The following GLB1L2 variants were observed in gnomAD, a reference collection of about 807,000 sequenced individuals.
GLB1L2 encodes galactosidase beta 1 like 2, also known as beta-galactosidase-1-like protein 2.
A neutral mutation model predicts 84.1 loss-of-function variants in GLB1L2; 68 were observed. The observed-to-expected ratio is 0.81, with a 90% CI of 0.67 to 0.99. The LOEUF is 0.99. Among genes scored for constraint, GLB1L2 ranks in the 50% least tolerant of loss-of-function variants. The probability of loss-of-function intolerance (pLI) is 0.00; values close to 1 mark genes in which losing one functional copy is unlikely to be tolerated. For synonymous variants in GLB1L2, 290 were observed against 318.0 expected (o/e 0.91, Z 0.94); for missense variants, 762 against 805.6 (o/e 0.95, Z 0.66).
Position 134,374,238 on chromosome 11 carries a change from C to T in GLB1L2, c.1689C>T (p.Asp563=), listed in dbSNP as rs557307908. 1.2e-6 allele frequency: 2 copies of T among 1,611,612 alleles called. No individual in the cohort carries two copies. Among genetic ancestry groups the T allele is most frequent in the Non-Finnish European group, 1.7e-6 (2 of 1,177,658 alleles). ...TGTCCATCAGCTCCACCCCTTGTGA[C>T]ACCTTTCTGAAGCTGGAGGTTGGTA... ...GSLSISSTPC[D]TFLKLEGWEK... is the part of the protein sequence containing the mutation. The change falls in exon 17 of 19, where the codon GAC becomes GAT. Residue 563 remains aspartate, a synonymous_variant. Transcript: ENST00000535456.
chr11:134,356,106 C>G (rs1943697225), intron 5 of GLB1L2, 195 bp from the exon 6 acceptor site: 4 of 691,496 alleles, frequency 5.8e-6, no homozygotes, highest in Non-Finnish European at 1.1e-5. Context: ...TTTAGTCAGT[C>G]TGGAGTTGTT....
chr11:134,337,325 C>T (rs770703977), intron 1 of GLB1L2, among the ~76,000 whole-genome samples: 6 of 152,222 alleles, frequency 3.9e-5, no homozygotes, highest in Admixed American at 6.5e-5. Flanking sequence ...TTTAATGCCT[C>T]TCCCAGCAAA....
chr11:134,342,621 A>C, intron 1 of GLB1L2, 133 bp from the exon 2 acceptor site: 1 of 847,010 alleles, frequency 1.2e-6, no homozygotes, highest in Non-Finnish European at 1.8e-6. Flanking sequence ...GCTGAGGCGG[A>C]GGGGAGCTTT....
chr11:134,373,566 AGC>A (rs1414478384), intron 15 of GLB1L2, among the ~76,000 whole-genome samples, 153 bp from the exon 16 acceptor site: 4 of 152,016 alleles, frequency 2.6e-5, no homozygotes, highest in Admixed American at 2.6e-4. Flanking sequence ...CTTCCCAGGG[AGC>A]GTACACTTCA....
intron 1 of GLB1L2, among the ~76,000 whole-genome samples, chr11:134,335,062 G>A (rs1008622062): frequency 2.0e-5 from 3 of 152,126 alleles, no homozygotes; most frequent in African/African-American, 7.2e-5. Context: ...CCAGCATCAT[G>A]CTCCTAAGAG....
chr11:134,334,059 A>G lies in GLB1L2; in HGVS notation c.86+1912A>G, dbSNP rs768284017. Among the ~76,000 whole-genome samples, 2 of 152,118 alleles carry G rather than the reference A, an allele frequency of 1.3e-5. No individual in the cohort carries two copies. The highest frequency in any genetic ancestry group is 2.9e-5 in the Non-Finnish European group (2 of 68,016). On this transcript the variant is annotated intron_variant, in intron 1 of 18. Transcript: ENST00000535456. The surrounding 1 kb of genome is among the most constrained non-coding windows in gnomAD (Gnocchi z 4.1). Reference sequence around the variant, plus strand: ...ACCAGTGAGTATGAGTTGCTGTAATATCTCTGGAGGCAGGAGGAGAACATC... The same window carrying G: ...ACCAGTGAGTATGAGTTGCTGTAATGTCTCTGGAGGCAGGAGGAGAACATC...
chr11:134,357,094 A>G (rs1468606010), intron 6 of GLB1L2, among the ~76,000 whole-genome samples: 2 of 152,186 alleles, frequency 1.3e-5, no homozygotes, highest in African/African-American at 2.4e-5. Flanking sequence ...TAAGACCTTG[A>G]TGGAATCATT....
In GLB1L2 at chr11:134,345,023, G is replaced by A. The variant is rs1396744000; in HGVS notation, c.354-11G>A. The stretch of plus-strand genomic sequence containing the variant: ...CGTCGTGGGAGGGGCTGACGATGTG[G>A]ACCTCCCTAGGGCCTTCGTCCTGAT... On this transcript the variant is annotated splice_polypyrimidine_tract_variant and intron_variant, in intron 3 of 18. Coordinates refer to ENST00000535456, the MANE Select transcript of GLB1L2 (RefSeq NM_001370461.1). 6.2e-7 allele frequency: 1 copy of A among 1,609,680 alleles called. No individual in the cohort carries two copies. The highest frequency in any genetic ancestry group is 1.7e-5 in the Admixed American group (1 of 59,788).
intron 4 of GLB1L2, among the ~76,000 whole-genome samples, chr11:134,345,530 G>T (rs7949292): frequency 1.3e-5 from 2 of 152,224 alleles, no homozygotes; most frequent in African/African-American, 4.8e-5. Flanking sequence ...GAGTGCAGTG[G>T]TGTGATCTTG....
chr11:134,366,669 G>C (rs1228179810), intron 8 of GLB1L2, among the ~76,000 whole-genome samples: 1 of 152,196 alleles, frequency 6.6e-6, no homozygotes, highest in Non-Finnish European at 1.5e-5. Flanking sequence ...GATTTGTTGA[G>C]TGGCCCAGCC....
chr11:134,363,142 G>A (rs1320310707), intron 7 of GLB1L2, among the ~76,000 whole-genome samples: 2 of 152,202 alleles, frequency 1.3e-5, no homozygotes, highest in South Asian at 4.1e-4. Context: ...TCTGGCTTGA[G>A]GGGAGGGGTC....
intron 4 of GLB1L2, chr11:134,346,910 G>C (rs961104332): frequency 1.1e-5 from 2 of 184,312 alleles, no homozygotes; most frequent in African/African-American, 4.6e-5. Context: ...TGTCAGGCTT[G>C]TTTTTTGGGG....
chr11:134,368,206 C>G (rs777829957), intron 9 of GLB1L2, among the ~76,000 whole-genome samples: 30 of 152,176 alleles, frequency 2.0e-4, no homozygotes, highest in Non-Finnish European at 4.1e-4. Flanking sequence ...TTGTTTTTCT[C>G]CTTTGCTATG....
chr11:134,371,348 T>A, intron 13 of GLB1L2, 73 bp from the exon 14 acceptor site: 1 of 1,190,644 alleles, frequency 8.4e-7, no homozygotes. Flanking sequence ...GTGCTGCCCT[T>A]CTTGGCCTGG....
Position 134,342,942 on chromosome 11 carries a change from C to T in GLB1L2, c.275C>T (p.Thr92Ile), listed in dbSNP as rs200030719. ...LLKMKACGLN[T>I]LTTYVPWNLH... ...AAGATGAAGGCCTGTGGCTTGAACA[C>T]CCTCACCACGTAGGTGCTGCCCCTG... The change falls in exon 2 of 19, where the codon ACC (threonine) becomes ATC (isoleucine). Residue 92 changes from threonine to isoleucine, a missense_variant. Thr to Ile is a moderately conservative substitution (Grantham distance 89, BLOSUM62 -1). Around this residue, in one of 3 missense-constraint regions of GLB1L2, gnomAD observed 59 missense variants for 105.1 expected, o/e 0.56. Transcript: ENST00000535456. 7.4e-6 allele frequency: 12 copies of T among 1,611,624 alleles called. No individual in the cohort carries two copies. In the African/African-American group the frequency reaches 1.6e-4, roughly 21 times the overall value.
intron 13 of GLB1L2, 30 bp downstream of exon 13, chr11:134,371,178 CCTT>C (rs1591625601): frequency 2.5e-6 from 4 of 1,613,074 alleles, no homozygotes; most frequent in East Asian, 2.2e-5. Flanking sequence ...ATTCCTGTGA[CCTT>C]CTGGTGAGCA....
At chr11:134,365,516 G>T (rs1943857695) in intron 8 of GLB1L2, among the ~76,000 whole-genome samples, 1 of 152,226 alleles carries the variant, frequency 6.6e-6, no homozygotes, top group South Asian at 2.1e-4. Context: ...TCTTCTAAGT[G>T]GGGATGATGA....
intron 5 of GLB1L2, among the ~76,000 whole-genome samples, chr11:134,351,956 A>G (rs1310229945): frequency 1.3e-5 from 2 of 152,198 alleles, no homozygotes; most frequent in South Asian, 2.1e-4. Flanking sequence ...ATTCTACCTT[A>G]TAGAATAAGG....
intron 8 of GLB1L2, among the ~76,000 whole-genome samples, chr11:134,366,297 G>T (rs908333833): frequency 7.2e-5 from 11 of 152,230 alleles, no homozygotes; most frequent in African/African-American, 2.4e-4. Flanking sequence ...AAACCAAGCC[G>T]CCAGTCTTGC....
Sources: gnomAD v4.1 joint callset for allele counts (sites outside exome capture counted in the v4.1 genomes callset) on GRCh38, gnomAD v4.1.1 for gene constraint, gnomAD v4.1.1 regional missense constraint, Gnocchi (gnomAD v3.1) non-coding constraint, MANE v1.5 for transcripts, NCBI Gene and HGNC (gene_info 2026-07-23, HGNC 2026-07-21) for gene names.